The following MRPL34 variants were observed in gnomAD, a reference collection of about 807,000 sequenced individuals.
The protein encoded by MRPL34 is large ribosomal subunit protein bL34m.
A neutral mutation model predicts 6.7 loss-of-function variants in MRPL34; 8 were observed. That is an observed-to-expected ratio of 1.20 (90% CI 0.70 to 2.16). The LOEUF (loss-of-function observed/expected upper bound fraction) is 2.16. Ranked by LOEUF, MRPL34 falls within the 30% of genes most tolerant of loss-of-function variation. MRPL34 has a pLI of 0.00. For synonymous variants in MRPL34, 59 were observed against 55.1 expected (o/e 1.07, Z -0.31); for missense variants, 146 against 125.5 (o/e 1.16, Z -0.78).
rs1364268890 is a variant in MRPL34, at chr19:17,292,835, C to A, written c.195C>A (p.Cys65Ter). The A allele has an allele frequency of 6.2e-7, 1 of 1,610,564 alleles. No homozygotes were observed. Among genetic ancestry groups the A allele is most frequent in the Non-Finnish European group, 8.5e-7 (1 of 1,177,986 alleles). ...TCAGGAATGCCAGGAGCAGGATCTG[C>A]AGAAGACGCAGGGCTCAAGGTAGGC... The change falls in exon 1 of 3, where the codon TGC becomes TGA. Residue 65 changes from cysteine (C) to a stop codon, truncating the protein, a stop_gained. Transcript: ENST00000595444. LOFTEE classifies it high-confidence loss of function.
At chr19:17,292,893 C>G in intron 1 of MRPL34, 3 of 1,544,636 alleles carry the variant, frequency 1.9e-6, no homozygotes, top group Non-Finnish European at 2.6e-6. Flanking sequence ...GCCAGGCTTC[C>G]CTGGGACTCC....
upstream of MRPL34, chr19:17,301,561 T>A (rs367827324): frequency 6.3e-7 from 1 of 1,599,692 alleles, no homozygotes; most frequent in African/African-American, 1.3e-5. Flanking sequence ...CCCCACGGCG[T>A]TGGGGGGCGT....
chr19:17,294,547 C>T lies in MRPL34; in HGVS notation c.214+1693C>T, dbSNP rs371746284. On this transcript the variant is annotated intron_variant, in intron 1 of 2. Coordinates refer to the MRPL34 transcript ENST00000595444. The stretch of plus-strand genomic sequence containing the variant: ...ACCGCTAGAGCCCCTTATGCCAGCC[C>T]GACTGCCGTGGGGTGCCCCCGATGC... The T allele has an allele frequency of 2.5e-6, 4 of 1,612,030 alleles. No homozygotes were observed. The African/African-American group carries it at 4.0e-5, about 16-fold the overall frequency.
upstream of MRPL34, chr19:17,303,402 G>A (rs2074130974): frequency 6.6e-6 from 1 of 152,232 alleles, no homozygotes; most frequent in South Asian, 2.1e-4. Context: ...GGCATCCCGC[G>A]GCCGCCGAAA....
chr19:17,302,354 T>C (rs2074124429), upstream of MRPL34: 1 of 152,206 alleles, frequency 6.6e-6, no homozygotes. Context: ...AACTCATCCA[T>C]TCAGGTATAC....
At chr19:17,297,704 C>G (rs751681640) in intron 1 of MRPL34, 4 of 150,486 alleles carry the variant, frequency 2.7e-5, no homozygotes, top group Non-Finnish European at 5.9e-5. Flanking sequence ...GTCTAGATTC[C>G]TTTCTTTTAG....
At chr19:17,295,166 C>G (rs1207215901) in intron 1 of MRPL34, among the ~76,000 whole-genome samples, 1 of 132,080 alleles carries the variant, frequency 7.6e-6, no homozygotes, top group Non-Finnish European at 1.5e-5. Context: ...ACTGCAGTGG[C>G]GCAATCTCGG....
chr19:17,297,462 C>T (rs986393670), intron 1 of MRPL34, among the ~76,000 whole-genome samples: 3 of 151,798 alleles, frequency 2.0e-5, no homozygotes, highest in Non-Finnish European at 4.4e-5. Context: ...TACCCAGCTA[C>T]TTTTTGTATT....
intron 1 of MRPL34, chr19:17,294,216 G>C (rs534779612): frequency 6.6e-7 from 1 of 1,525,932 alleles, no homozygotes; most frequent in Non-Finnish European, 8.8e-7. Context: ...CACGCCCCCC[G>C]CAGAGGCCAC....
chr19:17,297,348 T>A (rs1192863515), intron 1 of MRPL34, among the ~76,000 whole-genome samples: 1 of 151,914 alleles, frequency 6.6e-6, no homozygotes, highest in Non-Finnish European at 1.5e-5. Flanking sequence ...CAGGCTGGAG[T>A]GCAATGGTGC....
chr19:17,296,563 G>A (rs2074094503), intron 1 of MRPL34: 1 of 152,202 alleles, frequency 6.6e-6, no homozygotes, highest in African/African-American at 2.4e-5. Context: ...GGCCTGAGAA[G>A]CCCCCAAAGC....
intron 1 of MRPL34, chr19:17,297,832 G>A (rs1487551074): frequency 6.6e-6 from 1 of 150,450 alleles, no homozygotes; most frequent in Non-Finnish European, 1.5e-5. Flanking sequence ...CTCAGCTATA[G>A]CAGTCCTCCC....
upstream of MRPL34, chr19:17,305,569 C>G (rs1037356181): frequency 1.8e-4 from 59 of 328,992 alleles, no homozygotes; most frequent in Admixed American, 1.4e-4. Context: ...GCGGGGCACC[C>G]TCTGCCGGTC....
At chr19:17,301,210 GCGCTGCCGGGGGCCAAGCGGCCAT>G (rs1275722710), upstream of MRPL34, 4 of 1,599,150 alleles carry the variant, frequency 2.5e-6, no homozygotes, top group Middle Eastern at 1.7e-4. Context: ...GCCGCTGCCT[GCGCTGCCGGGGGCCAAGCGGCCAT>G]CGCTGCCCGC....
chr19:17,301,906 G>T (rs1048631394), upstream of MRPL34, among the ~76,000 whole-genome samples: 2 of 152,020 alleles, frequency 1.3e-5, no homozygotes, highest in African/African-American at 2.4e-5. Context: ...CGATTCTCTT[G>T]CCTCAGCCTC....
chr19:17,302,712 G>T (rs2074126217), upstream of MRPL34, among the ~76,000 whole-genome samples: 1 of 152,218 alleles, frequency 6.6e-6, no homozygotes, highest in South Asian at 2.1e-4. Flanking sequence ...AGTCCCCAGA[G>T]GTGGCGAAGA....
At chr19:17,293,838 C>T (rs1404091785) in intron 1 of MRPL34, among the ~76,000 whole-genome samples, 1 of 151,980 alleles carries the variant, frequency 6.6e-6, no homozygotes, top group African/African-American at 2.4e-5. Context: ...CGATTATTGG[C>T]GTGAACCACC....
At chr19:17,294,158 C>A in intron 1 of MRPL34, 2 of 1,176,050 alleles carry the variant, frequency 1.7e-6, no homozygotes, top group Admixed American at 5.0e-5. Flanking sequence ...CCACGCCCAC[C>A]CGGCAGCCAC....
chr19:17,306,088 C>G, intron 1 of MRPL34, 78 bp from the exon 2 acceptor site: 1 of 1,503,618 alleles, frequency 6.7e-7, no homozygotes, highest in South Asian at 1.2e-5. Flanking sequence ...TCTCCGGGAG[C>G]CGAGGCTCAG....
Sources: allele counts gnomAD v4.1 joint callset (sites outside exome capture counted in the v4.1 genomes callset), GRCh38; gene constraint gnomAD v4.1.1; transcripts MANE v1.5; gene names NCBI Gene and HGNC (gene_info 2026-07-23, HGNC 2026-07-21).